Variants in ACVR2A observed in about 807,000 individuals in gnomAD.
ACVR2A encodes activin A receptor type 2A.
A neutral mutation model predicts 61.4 loss-of-function variants in ACVR2A; 7 were observed. That is an observed-to-expected ratio of 0.11 (90% CI 0.06 to 0.21). The LOEUF (loss-of-function observed/expected upper bound fraction) is 0.21. Ranked by LOEUF, ACVR2A falls within the 10% of genes least tolerant of loss-of-function variation. The probability of loss-of-function intolerance (pLI) is 1.00; values close to 1 mark genes in which losing one functional copy is unlikely to be tolerated. For missense variants in ACVR2A, 322 were observed against 621.7 expected (o/e 0.52, Z 5.13); for synonymous variants, 193 against 208.3 (o/e 0.93, Z 0.63).
chr2:147,874,371 TG>T (rs1686103193), intron 1 of ACVR2A, among the ~76,000 whole-genome samples: 1 of 151,908 alleles, frequency 6.6e-6, no homozygotes, highest in Non-Finnish European at 1.5e-5. Flanking sequence ...TCCTGTTATT[TG>T]TCTTAGTTTG....
intron 1 of ACVR2A, among the ~76,000 whole-genome samples, chr2:147,872,573 A>G (rs1398832418): frequency 4.0e-5 from 6 of 150,092 alleles, no homozygotes; most frequent in Non-Finnish European, 5.9e-5. Context: ...CATACAGGCT[A>G]CTAGATGAAC....
chr2:147,860,037 G>C (rs960011383), intron 1 of ACVR2A, among the ~76,000 whole-genome samples: 4 of 152,164 alleles, frequency 2.6e-5, no homozygotes, highest in Non-Finnish European at 5.9e-5. Context: ...ATTGGCTTTA[G>C]TGATAGGACA....
At chr2:147,847,044 T>C (rs550070141) in intron 1 of ACVR2A, among the ~76,000 whole-genome samples, 2 of 152,084 alleles carry the variant, frequency 1.3e-5, no homozygotes, top group Non-Finnish European at 2.9e-5. Flanking sequence ...GTAAAAATAA[T>C]TGAGCATTAG....
intron 1 of ACVR2A, among the ~76,000 whole-genome samples, chr2:147,867,217 A>G (rs749981797): frequency 3.9e-5 from 6 of 152,188 alleles, no homozygotes; most frequent in Non-Finnish European, 8.8e-5. Context: ...AGTGAAATGT[A>G]GATGAGGAAG....
At chr2:147,885,848 T>G (rs1288214847) in intron 1 of ACVR2A, among the ~76,000 whole-genome samples, 1 of 152,146 alleles carries the variant, frequency 6.6e-6, no homozygotes, top group Non-Finnish European at 1.5e-5. Context: ...TATTGGACTG[T>G]ATGATGTACA....
At chr2:147,924,631 T>G (rs1400150127) in intron 9 of ACVR2A, among the ~76,000 whole-genome samples, 1 of 151,966 alleles carries the variant, frequency 6.6e-6, no homozygotes, top group African/African-American at 2.4e-5. Context: ...AACCCAATTG[T>G]TAAGTCAGAA....
intron 1 of ACVR2A, 31 bp downstream of exon 1, chr2:147,845,238 TGCTCCTGCGGCCGCGGCGGCC>T (rs1291845475): frequency 6.2e-7 from 1 of 1,604,558 alleles, no homozygotes; most frequent in Non-Finnish European, 8.5e-7. Context: ...GCGGTGGGGC[TGCTCCTGCGGCCGCGGCGGCC>T]GCTGCTGGGG....
intron 2 of ACVR2A, chr2:147,896,841 G>T: frequency 5.3e-6 from 1 of 189,762 alleles, no homozygotes; most frequent in Non-Finnish European, 1.1e-5. Context: ...CTTTAAAAGA[G>T]TATATCTGTT....
At chr2:147,903,238 C>G (rs141044170) in intron 4 of ACVR2A, among the ~76,000 whole-genome samples, 101 of 150,446 alleles carry the variant, frequency 6.7e-4, no homozygotes, top group African/African-American at 2.2e-3. Context: ...TAGAAAAAAG[C>G]AGTTTTCTGG....
At chr2:147,873,198 C>G (rs991794901) in intron 1 of ACVR2A, among the ~76,000 whole-genome samples, 4 of 151,822 alleles carry the variant, frequency 2.6e-5, no homozygotes, top group African/African-American at 9.7e-5. Context: ...AAGTTTAGCA[C>G]TATGGAGTGT....
At chr2:147,927,012 A>G (rs1393604534) in intron 10 of ACVR2A, 68 bp from the exon 11 acceptor site, 1 of 1,475,576 alleles carries the variant, frequency 6.8e-7, no homozygotes, top group African/African-American at 1.4e-5. Context: ...CTTCATGAAA[A>G]TTTTATTGTT....
At chr2:147,890,752 A>T (rs980474416) in intron 1 of ACVR2A, among the ~76,000 whole-genome samples, 1 of 152,066 alleles carries the variant, frequency 6.6e-6, no homozygotes, top group African/African-American at 2.4e-5. Flanking sequence ...TTAGAACTAC[A>T]CCTTTAAAGT....
intron 2 of ACVR2A, among the ~76,000 whole-genome samples, chr2:147,897,895 T>A (rs997336509): frequency 6.6e-6 from 1 of 152,194 alleles, no homozygotes; most frequent in Admixed American, 6.6e-5. Flanking sequence ...ATATGTGCTG[T>A]TACGAAAGGT....
At chr2:147,853,075 G>C (rs1280154436) in intron 1 of ACVR2A, among the ~76,000 whole-genome samples, 1 of 152,056 alleles carries the variant, frequency 6.6e-6, no homozygotes, top group Non-Finnish European at 1.5e-5. Context: ...CGAAGACTAA[G>C]GTAGAATGGT....
At chr2:147,925,127 A>G (rs1160639415) in intron 9 of ACVR2A, among the ~76,000 whole-genome samples, 2 of 151,996 alleles carry the variant, frequency 1.3e-5, no homozygotes, top group East Asian at 3.9e-4. Context: ...TGTGTCTGTC[A>G]AAGGAAGGCA....
At chr2:147,847,674 A>G (rs1190915324) in intron 1 of ACVR2A, among the ~76,000 whole-genome samples, 2 of 152,106 alleles carry the variant, frequency 1.3e-5, no homozygotes, top group South Asian at 2.1e-4. Context: ...CCAAGTGTAT[A>G]ATTTCCTCCT....
At chr2:147,858,136 C>T (rs1685633583) in intron 1 of ACVR2A, among the ~76,000 whole-genome samples, 1 of 152,140 alleles carries the variant, frequency 6.6e-6, no homozygotes, top group Non-Finnish European at 1.5e-5. Flanking sequence ...GAAGGACGTG[C>T]TCTCGTTTGC....
At chr2:147,872,283 G>A (rs1686041095) in intron 1 of ACVR2A, among the ~76,000 whole-genome samples, 1 of 151,914 alleles carries the variant, frequency 6.6e-6, no homozygotes, top group Admixed American at 6.6e-5. Flanking sequence ...AGCTTATTAT[G>A]TCTTAATGGA....
intron 4 of ACVR2A, chr2:147,900,693 CTT>C (rs1163510262): frequency 6.6e-6 from 1 of 151,938 alleles, no homozygotes; most frequent in African/African-American, 2.4e-5. Context: ...AAACTGATAA[CTT>C]TTGGTTTTAC....
Sources: gnomAD v4.1 joint callset for allele counts (sites outside exome capture counted in the v4.1 genomes callset) on GRCh38, gnomAD v4.1.1 for gene constraint, MANE v1.5 for transcripts, NCBI Gene and HGNC (gene_info 2026-07-23, HGNC 2026-07-21) for gene names.